ARL15: variants seen among roughly 807,000 people sequenced by gnomAD.
ARL15 encodes ARF like GTPase 15.
ARL15 carries 19 observed loss-of-function variants against 25.2 expected under a neutral mutation model. The ratio of observed to expected loss-of-function variants is 0.75; its 90% CI spans 0.53 to 1.10. The LOEUF is 1.10. Ranked by LOEUF, ARL15 falls within the 50% of genes least tolerant of loss-of-function variation. The pLI, the probability that ARL15 is intolerant of heterozygous loss-of-function variation, is 0.00. For missense variants in ARL15, 220 were observed against 246.0 expected, an observed-to-expected ratio of 0.89 and a Z score of 0.71; for synonymous variants, 94 against 86.8, an observed-to-expected ratio of 1.08 and a Z score of -0.46.
At position 53,898,403 on chromosome 5, in the gene ARL15, T is replaced by C. The variant is rs139547362; in HGVS notation, c.463-11690A>G. On this transcript the variant is annotated intron_variant, in intron 4 of 4. Transcript: ENST00000504924. ...AGAATTGGTGTAAATTCTTTAAACG[T>C]TTGGTAGAATTCAGCAGTGAAGCAA... is the stretch of plus-strand genomic sequence containing the variant. Among the ~76,000 whole-genome samples the C allele has an allele frequency of 9.8e-4, 149 of 152,270 alleles. 2 individuals are homozygous for C. The East Asian group carries it at 0.025, about 26-fold the overall frequency.
intron 4 of ARL15, among the ~76,000 whole-genome samples, chr5:54,073,494 T>A (rs529342237): frequency 6.6e-6 from 1 of 151,852 alleles, no homozygotes; most frequent in Admixed American, 6.6e-5. Flanking sequence ...TCAAGTGAGA[T>A]TGTTACCATT....
intron 4 of ARL15, among the ~76,000 whole-genome samples, chr5:54,092,735 G>T (rs1208714928): frequency 6.6e-6 from 1 of 152,156 alleles, no homozygotes; most frequent in Non-Finnish European, 1.5e-5. Context: ...ACTGGGCTGG[G>T]TTTCTAAGAT....
chr5:53,970,528 C>A (rs973529546), intron 4 of ARL15, among the ~76,000 whole-genome samples: 4 of 151,956 alleles, frequency 2.6e-5, no homozygotes, highest in African/African-American at 7.2e-5. Flanking sequence ...GAGAGAACTC[C>A]GTTTTTATTT....
chr5:54,282,402 GT>G (rs149410793), intron 1 of ARL15: 15,062 of 985,398 alleles, frequency 0.015, 128 homozygotes, highest in South Asian at 0.018. Flanking sequence ...CCTTGCTCTT[GT>G]TTCCCTCTTT....
chr5:54,304,912 GT>G (rs1175808363), intron 1 of ARL15, among the ~76,000 whole-genome samples: 1 of 151,878 alleles, frequency 6.6e-6, no homozygotes, highest in Non-Finnish European at 1.5e-5. Context: ...AATCACAAAT[GT>G]ACCTTCACTC....
intron 4 of ARL15, among the ~76,000 whole-genome samples, chr5:53,985,723 A>T (rs1748276047): frequency 6.6e-6 from 1 of 152,230 alleles, no homozygotes; most frequent in East Asian, 1.9e-4. Flanking sequence ...GCTGATGGAT[A>T]CTTGGGTTGC....
intron 3 of ARL15, among the ~76,000 whole-genome samples, chr5:54,140,389 AAT>A (rs368184225): frequency 6.6e-6 from 1 of 151,416 alleles, no homozygotes; most frequent in African/African-American, 2.4e-5. Flanking sequence ...AAAGGGTTTA[AAT>A]ATATATATAT....
chr5:54,113,357 C>T lies in ARL15; in HGVS notation c.307G>A (p.Val103Ile). 2.5e-6 allele frequency: 4 copies of T among 1,613,982 alleles called. No homozygotes were observed. The highest frequency in any genetic ancestry group is 2.5e-6 in the Non-Finnish European group (3 of 1,179,858). ...WSRYYQGSQGVIFVLDSASSE... is the reference protein window; with the variant it reads ...WSRYYQGSQGIIFVLDSASSE... Reference sequence around the variant, plus strand: ...GAGGCACTGTCTAATACAAATATTACCCCTTGAGATCCTTGGTAGTAGCGG... The same window carrying T: ...GAGGCACTGTCTAATACAAATATTATCCCTTGAGATCCTTGGTAGTAGCGG... The change falls in exon 4 of 5, where the codon GTA becomes ATA. Residue 103 changes from valine to isoleucine, a missense_variant. Transcript: ENST00000504924.
intron 1 of ARL15, among the ~76,000 whole-genome samples, chr5:54,216,308 C>T (rs1482413973): frequency 6.6e-6 from 1 of 152,118 alleles, no homozygotes; most frequent in African/African-American, 2.4e-5. Flanking sequence ...TCCTCACCAC[C>T]CTGTGATCCA....
intron 4 of ARL15, among the ~76,000 whole-genome samples, chr5:54,069,583 A>C (rs1425202765): frequency 1.4e-5 from 2 of 142,974 alleles, no homozygotes; most frequent in Non-Finnish European, 3.1e-5. Flanking sequence ...AAAAAAAAAA[A>C]ACCACGAAAA....
chr5:54,043,214 T>C (rs1472615620), intron 4 of ARL15, among the ~76,000 whole-genome samples: 1 of 152,156 alleles, frequency 6.6e-6, no homozygotes, highest in Non-Finnish European at 1.5e-5. Flanking sequence ...TCTTTTTTTT[T>C]TTAGTACTTT....
At chr5:54,184,719 C>T (rs576757614) in intron 1 of ARL15, among the ~76,000 whole-genome samples, 79 of 152,078 alleles carry the variant, frequency 5.2e-4, no homozygotes, top group African/African-American at 1.8e-3. Flanking sequence ...TTTTAGGCTC[C>T]ATAAAGATGG....
intron 4 of ARL15, among the ~76,000 whole-genome samples, chr5:54,060,762 A>G (rs1751039183): frequency 1.3e-5 from 2 of 152,226 alleles, no homozygotes; most frequent in African/African-American, 2.4e-5. Flanking sequence ...AGAGACTGGC[A>G]GCATTTTGCT....
At chr5:54,020,241 C>T (rs1056266953) in intron 4 of ARL15, among the ~76,000 whole-genome samples, 2 of 152,174 alleles carry the variant, frequency 1.3e-5, no homozygotes, top group African/African-American at 4.8e-5. Context: ...GTCCTTTCCC[C>T]TCCTTACAGG....
chr5:53,896,032 T>C (rs1330492708), intron 4 of ARL15, among the ~76,000 whole-genome samples: 1 of 152,200 alleles, frequency 6.6e-6, no homozygotes, highest in Admixed American at 6.5e-5. Context: ...ATTTTAATTT[T>C]ACTTTTTAAT....
At chr5:54,280,533 A>C (rs1377809986) in intron 1 of ARL15, among the ~76,000 whole-genome samples, 1 of 152,240 alleles carries the variant, frequency 6.6e-6, no homozygotes, top group Non-Finnish European at 1.5e-5. Context: ...TTTGCCAAGT[A>C]CCAGACGTTG....
At chr5:53,979,130 G>A (rs1040099005) in intron 4 of ARL15, among the ~76,000 whole-genome samples, 3 of 152,224 alleles carry the variant, frequency 2.0e-5, no homozygotes, top group African/African-American at 4.8e-5. Flanking sequence ...CTAGAAGTGA[G>A]TGAACCTGCT....
intron 1 of ARL15, among the ~76,000 whole-genome samples, chr5:54,268,673 G>A (rs1757694916): frequency 6.6e-6 from 1 of 152,132 alleles, no homozygotes; most frequent in Non-Finnish European, 1.5e-5. Context: ...TGATTCCTCA[G>A]GGATCTAGAA....
At chr5:53,970,959 C>T (rs1015310395) in intron 4 of ARL15, among the ~76,000 whole-genome samples, 1 of 151,946 alleles carries the variant, frequency 6.6e-6, no homozygotes, top group African/African-American at 2.4e-5. Flanking sequence ...GGAGACATTT[C>T]ACTTTATAAA....
Sources: allele counts gnomAD v4.1 joint callset (sites outside exome capture counted in the v4.1 genomes callset), GRCh38; gene constraint gnomAD v4.1.1; transcripts MANE v1.5; gene names NCBI Gene and HGNC (gene_info 2026-07-23, HGNC 2026-07-21).